UBR3: variants seen among roughly 807,000 people sequenced by gnomAD.
UBR3 encodes E3 ubiquitin-protein ligase UBR3.
Under a neutral mutation model 243.2 loss-of-function variants are expected in UBR3, and 85 were observed. The ratio of observed to expected loss-of-function variants is 0.35; its 90% CI spans 0.29 to 0.42. The LOEUF is 0.42. UBR3 is among the 10% of genes least tolerant of loss of function. The pLI is 1.00. For synonymous variants in UBR3, 748 were observed against 799.8 expected, an observed-to-expected ratio of 0.94 and a Z score of 1.09; for missense variants, 1,686 against 2,300.8, an observed-to-expected ratio of 0.73 and a Z score of 5.47.
At chr2:169,879,237 T>TA (rs1359619005) in intron 5 of UBR3, among the ~76,000 whole-genome samples, 1 of 151,988 alleles carries the variant, frequency 6.6e-6, no homozygotes, top group Non-Finnish European at 1.5e-5. Context: ...AATTAAAATC[T>TA]AAAAAATAAA....
intron 23 of UBR3, among the ~76,000 whole-genome samples, chr2:169,952,391 A>G (rs1559128013): frequency 6.6e-6 from 1 of 152,160 alleles, no homozygotes; most frequent in Non-Finnish European, 1.5e-5. Context: ...TGGTACCTGT[A>G]TAAGGAGCAA....
chr2:169,872,496 T>A (rs951049622), intron 2 of UBR3, 121 bp downstream of exon 2: 1 of 702,086 alleles, frequency 1.4e-6, no homozygotes, highest in Non-Finnish European at 2.2e-6. Flanking sequence ...TAAAAAGAGA[T>A]GACTATAAAA....
At chr2:169,972,319 G>A (rs867618683) in intron 24 of UBR3, among the ~76,000 whole-genome samples, 10 of 152,010 alleles carry the variant, frequency 6.6e-5, no homozygotes, top group Admixed American at 2.0e-4. Context: ...ATTCACAGCC[G>A]AATTCTACCA....
At chr2:170,048,952 ATAT>A (rs1379980658) in intron 32 of UBR3, among the ~76,000 whole-genome samples, 1 of 152,188 alleles carries the variant, frequency 6.6e-6, no homozygotes, top group Admixed American at 6.5e-5. Flanking sequence ...TAATTGTTCT[ATAT>A]TATTGTTAAT....
rs2091938879 is a variant in UBR3, at chr2:170,083,613, A to G, written c.*1770A>G. On this transcript the variant is annotated 3_prime_UTR_variant, in exon 39 of 39. Coordinates refer to ENST00000272793, the MANE Select transcript of UBR3 (RefSeq NM_172070.4). The stretch of plus-strand genomic sequence containing the variant: ...AGGATTCATGAACTTGAATAATTCT[A>G]CAGTTTGAAACTCTGATGCTATATA... The G allele has an allele frequency of 6.5e-6, 1 of 152,754 alleles. No homozygotes were observed. Among genetic ancestry groups the G allele is most frequent in the East Asian group, 1.9e-4 (1 of 5,196 alleles). The allele number at this position is 152,754 out of a possible 1,614,324, so 9.5% of individuals were successfully genotyped here.
In UBR3 at chr2:170,008,761, A is replaced by C. The variant is rs779999277; in HGVS notation, c.4231-43A>C. On this transcript the variant is annotated intron_variant, in intron 28 of 38. Transcript: ENST00000272793. ...TCTAGTTTCAGACCATTATTAAAGA[A>C]AGTGAATATAAACTTTATATGTATG... 3 of 976,770 alleles carry C rather than the reference A, an allele frequency of 3.1e-6. No individual in the cohort carries two copies. The Admixed American group carries it at 8.5e-5, about 28-fold the overall frequency. 60.5% of individuals were successfully genotyped at this position (976,770 alleles called of 1,614,324 possible).
chr2:170,031,752 A>T (rs116562648), intron 31 of UBR3, among the ~76,000 whole-genome samples: 1 of 152,042 alleles, frequency 6.6e-6, no homozygotes, highest in Non-Finnish European at 1.5e-5. Context: ...TTTAGCCCTC[A>T]CTTATAAGTG....
intron 18 of UBR3, among the ~76,000 whole-genome samples, chr2:169,930,272 T>C (rs1382829988): frequency 6.6e-6 from 1 of 152,174 alleles, no homozygotes; most frequent in East Asian, 1.9e-4. Context: ...TTCTGAACAA[T>C]GCTGAGATGG....
intron 30 of UBR3, among the ~76,000 whole-genome samples, chr2:170,017,879 G>A (rs182646039): frequency 6.6e-6 from 1 of 152,094 alleles, no homozygotes; most frequent in Admixed American, 6.6e-5. Context: ...AGTTTGTAAA[G>A]TTCTTTCACA....
intron 12 of UBR3, 28 bp downstream of exon 12, chr2:169,924,022 C>T: frequency 5.2e-6 from 7 of 1,354,372 alleles, no homozygotes; most frequent in East Asian, 5.6e-5. Context: ...CAATTCTGTT[C>T]TTTTTTTTTT....
At chr2:169,995,170 G>A (rs2089434422) in intron 26 of UBR3, among the ~76,000 whole-genome samples, 1 of 148,516 alleles carries the variant, frequency 6.7e-6, no homozygotes, top group Non-Finnish European at 1.5e-5. Context: ...GCATAATAAC[G>A]ATGTGGTATG....
At chr2:169,857,413 AATTT>A (rs2082924660) in intron 1 of UBR3, among the ~76,000 whole-genome samples, 1 of 149,300 alleles carries the variant, frequency 6.7e-6, no homozygotes. Flanking sequence ...AGTTTTCTTA[AATTT>A]ATTTATTTAT....
At chr2:169,854,379 A>G (rs1425180818) in intron 1 of UBR3, among the ~76,000 whole-genome samples, 1 of 152,134 alleles carries the variant, frequency 6.6e-6, no homozygotes, top group Non-Finnish European at 1.5e-5. Context: ...CATGGACTCA[A>G]TTTCCCATCC....
chr2:169,836,060 TA>T lies in UBR3; in HGVS notation c.545+8009del, dbSNP rs1558998965. ...CTCTCTCTCTATATATATATATATATATATATATTTTTTTTTTTTTTTTTTT... is the reference window on the plus strand; with the variant it reads ...CTCTCTCTCTATATATATATATATATTATATATTTTTTTTTTTTTTTTTTT... On this transcript the variant is annotated intron_variant, in intron 1 of 38. Coordinates refer to ENST00000272793, the MANE Select transcript of UBR3 (RefSeq NM_172070.4). Among the ~76,000 whole-genome samples the T allele has an allele frequency of 6.2e-4, 35 of 56,062 alleles. 5 individuals are homozygous for T. The highest frequency in any genetic ancestry group is 1.2e-3 in the Non-Finnish European group (30 of 25,178). The allele number at this position is 56,062 out of a possible 152,430, so 36.8% of individuals were successfully genotyped here.
chr2:169,928,858 T>C lies in UBR3; in HGVS notation c.2556T>C (p.Tyr852=), dbSNP rs1458777491. Residue 852 remains tyrosine, a synonymous_variant, in exon 18 of 39, where the codon TAT becomes TAC. Coordinates refer to ENST00000272793, the MANE Select transcript of UBR3 (RefSeq NM_172070.4). Reference sequence around the variant, plus strand: ...GAGGTTCTATGCAACAAGGCATGTATACTCCCAAAGGTATGTTTATATACA... The same window carrying C: ...GAGGTTCTATGCAACAAGGCATGTACACTCCCAAAGGTATGTTTATATACA... ...EPGGSMQQGM[Y]TPKAEVWDQE... is the part of the protein sequence containing the mutation. 6.8e-6 allele frequency: 10 copies of C among 1,471,326 alleles called. No individual in the cohort carries two copies. In the African/African-American group the frequency reaches 9.7e-5, roughly 14 times the overall value. 91.1% of individuals were successfully genotyped at this position (1,471,326 alleles called of 1,614,324 possible). A position where few individuals can be genotyped will look rare whatever the true frequency, so the allele number is the denominator to read the frequency against.
At chr2:170,080,054 G>A in intron 37 of UBR3, 31 bp downstream of exon 37, 1 of 1,577,650 alleles carries the variant, frequency 6.3e-7, no homozygotes, top group Non-Finnish European at 8.6e-7. Context: ...CAAAATTTAT[G>A]AAAACACAGA....
Position 169,945,160 on chromosome 2 carries a change from T to C in UBR3, c.2806-1128T>C, listed in dbSNP as rs1262500365. ...TTTCTTTTAGTTTTTTTTTTTTTGG[T>C]TGGGGATGGGACAAGTGAAAGGGCT... On this transcript the variant is annotated intron_variant, in intron 20 of 38. Transcript: ENST00000272793. Among the ~76,000 whole-genome samples, 4 of 151,302 alleles carry C rather than the reference T, an allele frequency of 2.6e-5. 1 individual carries two copies. Among genetic ancestry groups the C allele is most frequent in the Admixed American group, 2.0e-4 (3 of 15,162 alleles).
intron 26 of UBR3, among the ~76,000 whole-genome samples, chr2:170,000,419 A>G (rs2089655228): frequency 6.6e-6 from 1 of 152,342 alleles, no homozygotes; most frequent in Non-Finnish European, 1.5e-5. Context: ...CTGGAAATGA[A>G]GAGGAAAGAC....
chr2:169,951,774 AAGAC>A (rs766259084), intron 23 of UBR3, among the ~76,000 whole-genome samples: 5 of 152,046 alleles, frequency 3.3e-5, no homozygotes, highest in Non-Finnish European at 7.4e-5. Context: ...GGTCTGAACT[AAGAC>A]AGTGATGATA....
Sources: allele counts gnomAD v4.1 joint callset (sites outside exome capture counted in the v4.1 genomes callset), GRCh38; gene constraint gnomAD v4.1.1; transcripts MANE v1.5; gene names NCBI Gene and HGNC (gene_info 2026-07-23, HGNC 2026-07-21).